Variants in EVC2 observed in about 807,000 individuals in gnomAD.
The protein encoded by EVC2 is limbin.
In EVC2, 148 loss-of-function variants were observed where a neutral mutation model predicts 149.3. The observed-to-expected ratio is 0.99, with a 90% confidence interval of 0.87 to 1.14. The LOEUF is 1.14. EVC2 is among the 50% of genes most tolerant of loss of function. The probability of loss-of-function intolerance (pLI) is 0.00; values close to 1 mark genes in which losing one functional copy is unlikely to be tolerated. For synonymous variants in EVC2, 776 were observed against 649.9 expected (o/e 1.19, Z -2.95); for missense variants, 1,854 against 1,627.3 (o/e 1.14, Z -2.40).
chr4:5,680,583 G>A (rs537867724), intron 7 of EVC2, among the ~76,000 whole-genome samples: 44 of 152,274 alleles, frequency 2.9e-4, no homozygotes, highest in African/African-American at 1.0e-3. Context: ...TGGGTGTTGG[G>A]GACCCTGACA....
At position 5,576,947 on chromosome 4, in the gene EVC2, C is replaced by G. The variant is rs1005106942; in HGVS notation, c.3058-493G>C. On this transcript the variant is annotated intron_variant, in intron 17 of 21. Coordinates refer to ENST00000344408, the MANE Select transcript of EVC2 (RefSeq NM_147127.5). This position sits in a 1 kb window ranked among gnomAD's most constrained non-coding sequence, Gnocchi z 4.5. ...TGCCTGCAAAGTGCCTGGTGGCTGG[C>G]ACCTGTCACTGCATATGGTGGGGTA... Among the ~76,000 whole-genome samples, 1 of 152,340 alleles carries G rather than the reference C, an allele frequency of 6.6e-6. No homozygotes were observed. Among genetic ancestry groups the G allele is most frequent in the South Asian group, 2.1e-4 (1 of 4,828 alleles).
intron 21 of EVC2, among the ~76,000 whole-genome samples, chr4:5,555,306 A>G (rs1721818932): frequency 6.6e-6 from 1 of 152,214 alleles, no homozygotes; most frequent in Admixed American, 6.5e-5. Flanking sequence ...TAATCCAACT[A>G]TACTAATAAG....
intron 17 of EVC2, among the ~76,000 whole-genome samples, chr4:5,582,532 G>T (rs1185028114): frequency 6.6e-6 from 1 of 152,174 alleles, no homozygotes; most frequent in East Asian, 1.9e-4. Context: ...TAACTAACTT[G>T]TTTTTTAATT....
chr4:5,630,437 G>A (rs1406338358), intron 11 of EVC2, among the ~76,000 whole-genome samples: 2 of 152,152 alleles, frequency 1.3e-5, no homozygotes, highest in African/African-American at 4.8e-5. Context: ...GAGTAACAGA[G>A]GCTGGTCATA....
chr4:5,561,581 T>C (rs1721961560), downstream of EVC2, among the ~76,000 whole-genome samples: 1 of 152,178 alleles, frequency 6.6e-6, no homozygotes, highest in African/African-American at 2.4e-5. Context: ...TGCATGCTGA[T>C]GGGAAACTGC....
chr4:5,665,976 A>G (rs541479475), intron 7 of EVC2, among the ~76,000 whole-genome samples: 62 of 152,326 alleles, frequency 4.1e-4, no homozygotes, highest in African/African-American at 1.4e-3. Context: ...ATCCAAAGGA[A>G]GCACTAGGGA....
At chr4:5,676,221 G>A (rs920091477) in intron 7 of EVC2, among the ~76,000 whole-genome samples, 1 of 152,136 alleles carries the variant, frequency 6.6e-6, no homozygotes, top group African/African-American at 2.4e-5. Flanking sequence ...AGACAGAAAG[G>A]GGAAGACAAC....
At chr4:5,592,195 C>T (rs1206890800) in intron 16 of EVC2, among the ~76,000 whole-genome samples, 2 of 152,136 alleles carry the variant, frequency 1.3e-5, no homozygotes. Flanking sequence ...AATTCACAAT[C>T]CCCCAAGAGC....
chr4:5,643,046 T>C (rs1036120518), intron 9 of EVC2, among the ~76,000 whole-genome samples: 68 of 152,222 alleles, frequency 4.5e-4, no homozygotes, highest in African/African-American at 1.6e-3. Context: ...ATCTAACGAG[T>C]TAACTTGTCT....
intron 16 of EVC2, among the ~76,000 whole-genome samples, chr4:5,585,571 T>C (rs1298278883): frequency 6.6e-6 from 1 of 151,990 alleles, no homozygotes; most frequent in Non-Finnish European, 1.5e-5. Flanking sequence ...ACACACAGAG[T>C]TTAGTTTGTT....
rs752839237 is a variant in EVC2 at position 5,562,893 on chromosome 4, GTTC to G, written c.3879_3881del (p.Lys1293del). 5.2e-5 allele frequency: 84 copies of G among 1,614,178 alleles called. 1 individual carries two copies. The Admixed American group carries it at 8.5e-4, about 16-fold the overall frequency. On this transcript the variant is annotated inframe_deletion, in exon 22 of 22. Coordinates refer to ENST00000344408, the MANE Select transcript of EVC2 (RefSeq NM_147127.5). This position sits in a 1 kb window ranked among gnomAD's most constrained non-coding sequence, Gnocchi z 4.3. ...TCATGGCCTTTTTGGCATTCAAAAA[GTTC>G]TTCTTTTTCCTGGGAGGAACGTGCA...
chr4:5,620,886 A>C (rs761013995), intron 14 of EVC2, among the ~76,000 whole-genome samples: 1 of 152,188 alleles, frequency 6.6e-6, no homozygotes, highest in Non-Finnish European at 1.5e-5. Context: ...TGAGAAGAGA[A>C]TTTTCTGGAA....
chr4:5,537,743 A>G, the EVC2 span, among the ~76,000 whole-genome samples: 1 of 152,078 alleles, frequency 6.6e-6, no homozygotes, highest in Non-Finnish European at 1.5e-5. Flanking sequence ...AATCAATTGA[A>G]CTCAGTCCGG....
intron 1 of EVC2, among the ~76,000 whole-genome samples, chr4:5,700,100 A>G (rs1721733446): frequency 6.6e-6 from 1 of 152,218 alleles, no homozygotes; most frequent in Non-Finnish European, 1.5e-5. Context: ...AGATGGCGCC[A>G]CTGCACTCAG....
At chr4:5,628,150 T>A (rs1219206880) in intron 12 of EVC2, among the ~76,000 whole-genome samples, 1 of 152,118 alleles carries the variant, frequency 6.6e-6, no homozygotes, top group Admixed American at 6.5e-5. Flanking sequence ...GGGTCTCCAG[T>A]GAGGAAGGTT....
chr4:5,668,900 G>A (rs978904437), intron 7 of EVC2, among the ~76,000 whole-genome samples: 1 of 152,184 alleles, frequency 6.6e-6, no homozygotes, highest in African/African-American at 2.4e-5. Flanking sequence ...TTTAGAAATT[G>A]TCTTTGCAGA....
At chr4:5,617,192 T>C (rs1386409071) in intron 15 of EVC2, among the ~76,000 whole-genome samples, 2 of 152,170 alleles carry the variant, frequency 1.3e-5, no homozygotes, top group Non-Finnish European at 2.9e-5. Flanking sequence ...GTTTTTTTCT[T>C]TCTCTAAAGG....
chr4:5,690,466 T>C (rs917176621), intron 4 of EVC2, among the ~76,000 whole-genome samples: 2 of 150,722 alleles, frequency 1.3e-5, no homozygotes, highest in African/African-American at 4.9e-5. Flanking sequence ...CTGATGCCAA[T>C]GAGTTGTGAT....
At chr4:5,656,374 C>T (rs1175828899) in intron 9 of EVC2, among the ~76,000 whole-genome samples, 1 of 152,220 alleles carries the variant, frequency 6.6e-6, no homozygotes, top group African/African-American at 2.4e-5. Flanking sequence ...CACTTCCTTC[C>T]TCATCCTCTT....
Sources: allele counts gnomAD v4.1 joint callset (sites outside exome capture counted in the v4.1 genomes callset), GRCh38; gene constraint gnomAD v4.1.1; non-coding constraint Gnocchi (gnomAD v3.1); transcripts MANE v1.5; gene names NCBI Gene and HGNC (gene_info 2026-07-23, HGNC 2026-07-21).